Variants in PDZD2 observed in about 807,000 individuals in gnomAD.
PDZD2 encodes PDZ domain containing 2, also known as PDZ domain-containing protein 2.
In PDZD2, 90 loss-of-function variants were observed where a neutral mutation model predicts 220.7. The ratio of observed to expected loss-of-function variants is 0.41; its 90% CI spans 0.34 to 0.49. The LOEUF (loss-of-function observed/expected upper bound fraction) is 0.49. PDZD2 is among the 20% of genes least tolerant of loss of function. The pLI is 0.28. For synonymous variants in PDZD2, 1,375 were observed against 1,450.5 expected, an observed-to-expected ratio of 0.95 and a Z score of 1.18; for missense variants, 3,174 against 3,608.5, an observed-to-expected ratio of 0.88 and a Z score of 3.08.
intron 14 of PDZD2, among the ~76,000 whole-genome samples, chr5:32,067,215 C>T (rs997409792): frequency 1.3e-5 from 2 of 152,162 alleles, no homozygotes; most frequent in African/African-American, 4.8e-5. Flanking sequence ...AGTTGGGTTA[C>T]TTAAGCCTTC....
chr5:31,887,112 G>A (rs1740578740), intron 2 of PDZD2, among the ~76,000 whole-genome samples: 1 of 152,170 alleles, frequency 6.6e-6, no homozygotes, highest in Non-Finnish European at 1.5e-5. Context: ...TTTGCTATGG[G>A]CTGGGCTCAT....
In PDZD2 at chr5:32,088,418, C is replaced by G. The variant is rs201634292; in HGVS notation, c.4970C>G (p.Thr1657Ser). ...GCCGCCTGCTTGCCAGGCTCATACACTTCAGGCCCAGACTCTTCCCAGCCA... is the reference window on the plus strand; with the variant it reads ...GCCGCCTGCTTGCCAGGCTCATACAGTTCAGGCCCAGACTCTTCCCAGCCA... ...EKAACLPGSYTSGPDSSQPSS... is the reference protein window; with the variant it reads ...EKAACLPGSYSSGPDSSQPSS... Residue 1657 changes from threonine (T) to serine (S), a missense_variant, in exon 20 of 25, where the codon ACT (threonine) becomes AGT (serine). Transcript: ENST00000438447. The surrounding 1 kb of genome is among the most constrained non-coding windows in gnomAD (Gnocchi z 4.6). 6.2e-7 allele frequency: 1 copy of G among 1,614,070 alleles called. No individual in the cohort carries two copies. Among genetic ancestry groups the G allele is most frequent in the Non-Finnish European group, 8.5e-7 (1 of 1,179,990 alleles).
chr5:31,728,778 A>G (rs116267174), intron 1 of PDZD2, among the ~76,000 whole-genome samples: 2,586 of 152,336 alleles, frequency 0.017, 75 homozygotes, highest in African/African-American at 0.059. Context: ...TATTTTATGC[A>G]TCATTATTGA....
chr5:31,909,598 C>T (rs748217136), intron 2 of PDZD2, among the ~76,000 whole-genome samples: 1 of 151,966 alleles, frequency 6.6e-6, no homozygotes, highest in Admixed American at 6.6e-5. Flanking sequence ...TTAATATACA[C>T]GAAATACTAT....
At chr5:31,883,131 G>A (rs1406614354) in intron 2 of PDZD2, among the ~76,000 whole-genome samples, 3 of 148,556 alleles carry the variant, frequency 2.0e-5, no homozygotes, top group Admixed American at 1.3e-4. Context: ...GAGACAGGAA[G>A]TTAATGCATT....
intron 1 of PDZD2, among the ~76,000 whole-genome samples, chr5:31,700,608 C>A (rs949901186): frequency 2.6e-5 from 4 of 152,216 alleles, no homozygotes; most frequent in Non-Finnish European, 5.9e-5. Context: ...GAAAGAAAGT[C>A]TTATAGCCTT....
At position 31,788,326 on chromosome 5, in the gene PDZD2, G is replaced by A. The variant is rs545361617; in HGVS notation, c.-360-10563G>A. Among the ~76,000 whole-genome samples the A allele has an allele frequency of 5.3e-5, 8 of 151,834 alleles. No individual in the cohort carries two copies. In the East Asian group the frequency reaches 1.2e-3, roughly 22 times the overall value. ...GTGGAGGTTGCAGTGAGCTGATATC[G>A]TGCCATTGTACTCCAGCCTGGGCAA... On this transcript the variant is annotated intron_variant, in intron 1 of 24. Coordinates refer to ENST00000438447, the MANE Select transcript of PDZD2 (RefSeq NM_178140.4).
chr5:31,876,416 C>T (rs564632239), intron 2 of PDZD2, among the ~76,000 whole-genome samples: 1 of 152,000 alleles, frequency 6.6e-6, no homozygotes, highest in African/African-American at 2.4e-5. Context: ...CCTCAGCCTC[C>T]CAAGTACCTG....
chr5:32,095,474 A>G (rs1032611582), intron 21 of PDZD2, among the ~76,000 whole-genome samples: 1 of 152,106 alleles, frequency 6.6e-6, no homozygotes, highest in Non-Finnish European at 1.5e-5. Flanking sequence ...CAGTGCTGTG[A>G]GAGATTCGAG....
chr5:31,881,804 T>C (rs1739954803), intron 2 of PDZD2, among the ~76,000 whole-genome samples: 1 of 151,910 alleles, frequency 6.6e-6, no homozygotes. Flanking sequence ...CATCTCCGCC[T>C]CCTGGGTTTA....
chr5:32,081,153 T>C (rs982934531), intron 19 of PDZD2, among the ~76,000 whole-genome samples: 1 of 151,782 alleles, frequency 6.6e-6, no homozygotes, highest in Non-Finnish European at 1.5e-5. Context: ...TGTGTTATAG[T>C]GTAGAGAGAA....
Position 32,000,230 on chromosome 5 carries a change from C to G in PDZD2, c.1213C>G (p.Arg405Gly). The G allele has an allele frequency of 6.2e-7, 1 of 1,614,128 alleles. No individual in the cohort carries two copies. Among genetic ancestry groups the G allele is most frequent in the Non-Finnish European group, 8.5e-7 (1 of 1,179,986 alleles). The change falls in exon 5 of 25, where the codon CGC becomes GGC. Residue 405 changes from arginine to glycine, a missense_variant. Transcript: ENST00000438447. The surrounding 1 kb of genome is among the most constrained non-coding windows in gnomAD (Gnocchi z 4.5). ...CCACGAGGAAGCAGTGGCCATTCTT[C>G]GCTCCGCCACGGGAATGGTGCAGCT... ...LSHEEAVAIL[R>G]SATGMVQLVV...
At chr5:31,961,017 T>A (rs1259127485) in intron 2 of PDZD2, among the ~76,000 whole-genome samples, 1 of 152,226 alleles carries the variant, frequency 6.6e-6, no homozygotes, top group East Asian at 1.9e-4. Flanking sequence ...ATTCTCTTTA[T>A]AACATCACTT....
At chr5:31,790,678 AC>A (rs1242013096) in intron 1 of PDZD2, among the ~76,000 whole-genome samples, 1 of 132,894 alleles carries the variant, frequency 7.5e-6, no homozygotes, top group Non-Finnish European at 1.6e-5. Flanking sequence ...TAGAATCCGC[AC>A]CTATCTCTCT....
At chr5:31,814,350 A>G (rs1262709267) in intron 2 of PDZD2, among the ~76,000 whole-genome samples, 2 of 152,188 alleles carry the variant, frequency 1.3e-5, no homozygotes, top group African/African-American at 4.8e-5. Context: ...CCTGAGACAT[A>G]ATCTCAAAAG....
chr5:31,651,994 AT>A (rs10676854), intron 1 of PDZD2, among the ~76,000 whole-genome samples: 12 of 130,304 alleles, frequency 9.2e-5, no homozygotes, highest in African/African-American at 1.2e-4. Flanking sequence ...TAATTTTTGT[AT>A]TTTTTTTTTT....
At position 32,088,027 on chromosome 5, in the gene PDZD2, T is replaced by A. The variant is rs770399711; in HGVS notation, c.4579T>A (p.Phe1527Ile). The change falls in exon 20 of 25, where the codon TTT (phenylalanine) becomes ATT (isoleucine). Residue 1527 changes from phenylalanine (F) to isoleucine (I), a missense_variant. Coordinates refer to ENST00000438447, the MANE Select transcript of PDZD2 (RefSeq NM_178140.4). The surrounding 1 kb of genome is among the most constrained non-coding windows in gnomAD (Gnocchi z 4.6). ...KNFLSNYSRNFSSFHEDSTSL... is the reference protein window; with the variant it reads ...KNFLSNYSRNISSFHEDSTSL... Reference sequence around the variant, plus strand: ...CTTTCTGAGCAACTACTCTAGAAATTTTAGCAGTTTTCATGAAGACAGCAC... The same window carrying A: ...CTTTCTGAGCAACTACTCTAGAAATATTAGCAGTTTTCATGAAGACAGCAC... 2.5e-6 allele frequency: 4 copies of A among 1,614,002 alleles called. No individual in the cohort carries two copies. In the South Asian group the frequency reaches 4.4e-5, roughly 18 times the overall value.
rs1487977762 is a variant in PDZD2, at chr5:32,097,742, A to G, written c.7947+362A>G. Among the ~76,000 whole-genome samples the G allele has an allele frequency of 4.1e-5, 6 of 147,356 alleles. No individual in the cohort carries two copies. In the South Asian group the frequency reaches 1.0e-3, roughly 25 times the overall value. On this transcript the variant is annotated intron_variant, in intron 22 of 24. Transcript: ENST00000438447. Reference sequence around the variant, plus strand: ...GTCACTCAAAATTTTACATCATTCAAAAGCCTTCAGGACCATCCAGAGGGT... The same window carrying G: ...GTCACTCAAAATTTTACATCATTCAGAAGCCTTCAGGACCATCCAGAGGGT...
chr5:31,920,775 C>T (rs1230916193), intron 2 of PDZD2, among the ~76,000 whole-genome samples: 1 of 152,060 alleles, frequency 6.6e-6, no homozygotes, highest in African/African-American at 2.4e-5. Context: ...GCCCATTTTT[C>T]CCTTTTTCCC....
Sources: gnomAD v4.1 joint callset for allele counts (sites outside exome capture counted in the v4.1 genomes callset) on GRCh38, gnomAD v4.1.1 for gene constraint, Gnocchi (gnomAD v3.1) non-coding constraint, MANE v1.5 for transcripts, NCBI Gene and HGNC (gene_info 2026-07-23, HGNC 2026-07-21) for gene names.